Variants in SEC14L1 observed in about 807,000 individuals in gnomAD.
The protein encoded by SEC14L1 is SEC14 like lipid binding 1, also known as SEC14-like protein 1.
Under a neutral mutation model 85.3 loss-of-function variants are expected in SEC14L1, and 48 were observed. The ratio of observed to expected loss-of-function variants is 0.56; its 90% CI spans 0.45 to 0.72. The LOEUF (loss-of-function observed/expected upper bound fraction) is 0.72, where lower values mean the gene tolerates loss of function less well. SEC14L1 is among the 30% of genes least tolerant of loss of function. The pLI, the probability that SEC14L1 is intolerant of heterozygous loss-of-function variation, is 0.00. For synonymous variants in SEC14L1, 391 were observed against 355.5 expected (o/e 1.10, Z -1.12); for missense variants, 682 against 921.4 (o/e 0.74, Z 3.36).
At chr17:77,164,176 G>T (rs769282010) in intron 3 of SEC14L1, among the ~76,000 whole-genome samples, 3 of 152,202 alleles carry the variant, frequency 2.0e-5, no homozygotes, top group African/African-American at 4.8e-5. Context: ...TGCTGACAGC[G>T]GTGTGGGCTG....
chr17:77,138,984 T>C (rs1414999176), upstream of SEC14L1, among the ~76,000 whole-genome samples: 1 of 152,220 alleles, frequency 6.6e-6, no homozygotes, highest in African/African-American at 2.4e-5. Context: ...AATCTATAGA[T>C]TGACCATTCC....
At position 77,188,898 on chromosome 17, in the gene SEC14L1, C is replaced by T. The variant is rs775093741; in HGVS notation, c.64-1905C>T. 6.6e-5 allele frequency among the ~76,000 whole-genome samples: 10 copies of T among 152,162 alleles called. No homozygotes were observed. In the South Asian group the frequency reaches 1.7e-3, roughly 25 times the overall value. ...GCCCTTTTCTCTAATGAACATCTCTCGTGTGCTTATTTGCCATCTGTGTGT... is the reference window on the plus strand; with the variant it reads ...GCCCTTTTCTCTAATGAACATCTCTTGTGTGCTTATTTGCCATCTGTGTGT... On this transcript the variant is annotated intron_variant, in intron 3 of 16. Transcript: ENST00000436233.
intron 5 of SEC14L1, 80 bp downstream of exon 5, chr17:77,191,392 T>C (rs2143797168): frequency 6.7e-7 from 1 of 1,502,780 alleles, no homozygotes; most frequent in Non-Finnish European, 9.2e-7. Flanking sequence ...TTTTAAACAG[T>C]GCATCTTTTT....
In SEC14L1 at chr17:77,191,254, A is replaced by T. The variant is rs1975520235; in HGVS notation, c.287A>T (p.Glu96Val). 6.2e-7 allele frequency: 1 copy of T among 1,613,846 alleles called. No individual in the cohort carries two copies. Among genetic ancestry groups the T allele is most frequent in the African/African-American group, 1.3e-5 (1 of 74,890 alleles). Residue 96 changes from glutamate to valine, a missense_variant, in exon 5 of 17, where the codon GAG (glutamate) becomes GTG (valine). Glu to Val is a moderately radical substitution (Grantham distance 121). Coordinates refer to ENST00000436233, the MANE Select transcript of SEC14L1 (RefSeq NM_001143998.2). ...TCTCGGGAACGTACTTTGCACATTG[A>T]GGCTTATAATGAAACGTTTTCCAAT... ...LNSRERTLHI[E>V]AYNETFSNRV...
intron 9 of SEC14L1, among the ~76,000 whole-genome samples, chr17:77,201,744 C>G (rs999338070): frequency 6.6e-6 from 1 of 152,140 alleles, no homozygotes; most frequent in African/African-American, 2.4e-5. Flanking sequence ...CCATTGCGCC[C>G]GGCCTCAACA....
At chr17:77,132,375 A>G (rs1244924546) in intron 3 of SEC14L1, among the ~76,000 whole-genome samples, 1 of 152,018 alleles carries the variant, frequency 6.6e-6, no homozygotes, top group East Asian at 1.9e-4. Flanking sequence ...GGCATGCACC[A>G]CCACACCCAG....
intron 13 of SEC14L1, 69 bp from the exon 14 acceptor site, chr17:77,209,273 C>A: frequency 1.9e-6 from 3 of 1,585,674 alleles, no homozygotes; most frequent in South Asian, 2.3e-5. Context: ...TAGTGCTGGC[C>A]GGTGTGTCTG....
intron 3 of SEC14L1, among the ~76,000 whole-genome samples, chr17:77,165,402 G>C (rs974571040): frequency 5.9e-5 from 9 of 152,152 alleles, no homozygotes; most frequent in Admixed American, 5.2e-4. Flanking sequence ...GTATATGTAA[G>C]ATGTACATTG....
chr17:77,122,002 G>A (rs1348859389), intron 3 of SEC14L1, among the ~76,000 whole-genome samples: 1 of 152,164 alleles, frequency 6.6e-6, no homozygotes, highest in Admixed American at 6.6e-5. Flanking sequence ...GCATTAGTCA[G>A]CAGCAGCCCA....
At chr17:77,175,804 A>T (rs573308846) in intron 3 of SEC14L1, among the ~76,000 whole-genome samples, 1 of 152,318 alleles carries the variant, frequency 6.6e-6, no homozygotes, top group South Asian at 2.1e-4. Flanking sequence ...CTCTGGGACA[A>T]ATCAGCCTAA....
At chr17:77,166,261 G>A (rs1974275839) in intron 3 of SEC14L1, among the ~76,000 whole-genome samples, 1 of 152,112 alleles carries the variant, frequency 6.6e-6, no homozygotes, top group South Asian at 2.1e-4. Flanking sequence ...TCTGTGTCAG[G>A]GCCTGCCAAA....
intron 3 of SEC14L1, among the ~76,000 whole-genome samples, chr17:77,169,024 T>A (rs936085789): frequency 6.9e-6 from 1 of 144,888 alleles, no homozygotes; most frequent in Non-Finnish European, 1.5e-5. Context: ...TTTTTTTTTT[T>A]TTTTTTTTTT....
At chr17:77,196,794 T>C (rs1463483169) in intron 8 of SEC14L1, among the ~76,000 whole-genome samples, 1 of 152,240 alleles carries the variant, frequency 6.6e-6, no homozygotes, top group African/African-American at 2.4e-5. Flanking sequence ...GCATTGCATG[T>C]ATTTGGCCTG....
chr17:77,099,679 G>A (rs902202920), intron 3 of SEC14L1, among the ~76,000 whole-genome samples: 1 of 152,102 alleles, frequency 6.6e-6, no homozygotes, highest in Non-Finnish European at 1.5e-5. Context: ...TCACTTGAAC[G>A]TGGGAGGTGG....
upstream of SEC14L1, among the ~76,000 whole-genome samples, chr17:77,138,427 C>T (rs1331346709): frequency 6.6e-6 from 1 of 151,896 alleles, no homozygotes; most frequent in Non-Finnish European, 1.5e-5. Flanking sequence ...TGAGACCGGC[C>T]TGACCAACAT....
rs528204648 is a variant in SEC14L1 at position 77,104,574 on chromosome 17, G to A, written c.-136+11227G>A. On this transcript the variant is annotated intron_variant, in intron 3 of 19. Coordinates refer to the SEC14L1 transcript ENST00000392476. ...TGGGAGGCCGAGGAGGGTGGATCAC[G>A]AGGTCAGGAGATCAAGACCATCCTG... Among the ~76,000 whole-genome samples the A allele has an allele frequency of 9.4e-5, 14 of 149,722 alleles. No homozygotes were observed. In the East Asian group the frequency reaches 1.2e-3, roughly 13 times the overall value.
At chr17:77,092,286 A>G (rs17611415) in intron 2 of SEC14L1, among the ~76,000 whole-genome samples, 3,201 of 152,284 alleles carry the variant, frequency 0.021, 72 homozygotes, top group Admixed American at 0.053. Context: ...CGTGGAGGGA[A>G]TATAAAGAAA....
At chr17:77,102,605 G>A (rs1235243505) in intron 3 of SEC14L1, among the ~76,000 whole-genome samples, 2 of 151,990 alleles carry the variant, frequency 1.3e-5, no homozygotes, top group African/African-American at 2.4e-5. Context: ...CCAGGTTCAA[G>A]TGATTCTCCT....
chr17:77,127,062 GT>G (rs1228379476), intron 3 of SEC14L1, among the ~76,000 whole-genome samples: 2 of 150,028 alleles, frequency 1.3e-5, no homozygotes, highest in African/African-American at 4.9e-5. Context: ...GTGCAGGTTT[GT>G]TATATAGGGG....
Sources: allele counts gnomAD v4.1 joint callset (sites outside exome capture counted in the v4.1 genomes callset), GRCh38; gene constraint gnomAD v4.1.1; transcripts MANE v1.5; gene names NCBI Gene and HGNC (gene_info 2026-07-23, HGNC 2026-07-21).